TENM2: variants seen among roughly 807,000 people sequenced by gnomAD.
The protein encoded by TENM2 is teneurin-2.
TENM2 carries 52 observed loss-of-function variants against 245.2 expected under a neutral mutation model. That is an observed-to-expected ratio of 0.21 (90% CI 0.17 to 0.27). The LOEUF (loss-of-function observed/expected upper bound fraction) is 0.27, where lower values mean the gene tolerates loss of function less well. Among genes scored for constraint, TENM2 ranks in the 10% least tolerant of loss-of-function variants. The pLI, the probability that TENM2 is intolerant of heterozygous loss-of-function variation, is 1.00. For synonymous variants in TENM2, 1,363 were observed against 1,438.9 expected (o/e 0.95, Z 1.19); for missense variants, 3,046 against 3,666.8 (o/e 0.83, Z 4.37).
At chr5:167,669,538 G>C (rs1755795422) in intron 2 of TENM2, among the ~76,000 whole-genome samples, 1 of 152,026 alleles carries the variant, frequency 6.6e-6, no homozygotes. Flanking sequence ...ACAAAGCTAT[G>C]ATTCTCTCAT....
the TENM2 span, among the ~76,000 whole-genome samples, chr5:167,035,483 T>C: frequency 4.1e-3 from 629 of 152,372 alleles, 7 homozygotes; most frequent in African/African-American, 0.014. Context: ...GACAATGATG[T>C]CGTTCATCAC....
chr5:167,154,809 A>G, the TENM2 span, among the ~76,000 whole-genome samples: 65 of 152,348 alleles, frequency 4.3e-4, 1 homozygote, highest in African/African-American at 1.4e-3. Context: ...AGCTAATTTT[A>G]TATTTGCCCT....
At chr5:167,730,159 T>TGCC (rs1760316107) in intron 2 of TENM2, among the ~76,000 whole-genome samples, 1 of 152,212 alleles carries the variant, frequency 6.6e-6, no homozygotes, top group Non-Finnish European at 1.5e-5. Context: ...GTTCCTGCAG[T>TGCC]GCCGTTGTTC....
At chr5:167,208,569 T>G in the TENM2 span, among the ~76,000 whole-genome samples, 1 of 152,212 alleles carries the variant, frequency 6.6e-6, no homozygotes, top group Non-Finnish European at 1.5e-5. Context: ...ATCTTAGTAT[T>G]TAGATTGTAA....
intron 2 of TENM2, among the ~76,000 whole-genome samples, chr5:167,689,651 C>G (rs1174365997): frequency 6.6e-6 from 1 of 152,218 alleles, no homozygotes; most frequent in Non-Finnish European, 1.5e-5. Flanking sequence ...GCTTGCACTG[C>G]AGAAGACTAG....
chr5:166,995,296 G>A, the TENM2 span, among the ~76,000 whole-genome samples: 3 of 151,616 alleles, frequency 2.0e-5, no homozygotes, highest in Non-Finnish European at 2.9e-5. Flanking sequence ...CTGGAGTGCA[G>A]TGGCCCAATC....
chr5:167,327,944 A>C (rs1421081689), intron 1 of TENM2, among the ~76,000 whole-genome samples: 1 of 152,184 alleles, frequency 6.6e-6, no homozygotes, highest in Admixed American at 6.5e-5. Flanking sequence ...GTATGAAATT[A>C]GATTAAAAGA....
the TENM2 span, among the ~76,000 whole-genome samples, chr5:167,025,191 A>G: frequency 1.3e-5 from 2 of 152,196 alleles, no homozygotes; most frequent in East Asian, 1.9e-4. Flanking sequence ...TTAATAATAT[A>G]TTTTTTAGCC....
At chr5:168,147,736 C>T (rs1037110816) in intron 12 of TENM2, among the ~76,000 whole-genome samples, 5 of 152,136 alleles carry the variant, frequency 3.3e-5, no homozygotes, top group African/African-American at 1.2e-4. Flanking sequence ...TTGCATGTGC[C>T]ATTAATCAAG....
the TENM2 span, among the ~76,000 whole-genome samples, chr5:167,231,274 G>A: frequency 6.6e-6 from 1 of 152,200 alleles, no homozygotes; most frequent in Non-Finnish European, 1.5e-5. Context: ...GGCAGAGGGT[G>A]GAACAATTTG....
intron 17 of TENM2, among the ~76,000 whole-genome samples, chr5:168,201,681 C>T (rs1761954673): frequency 1.3e-5 from 2 of 152,196 alleles, no homozygotes; most frequent in African/African-American, 4.8e-5. Flanking sequence ...ATACCATAAA[C>T]TATCAATACT....
At chr5:167,054,967 A>G in the TENM2 span, among the ~76,000 whole-genome samples, 1 of 152,086 alleles carries the variant, frequency 6.6e-6, no homozygotes, top group East Asian at 1.9e-4. Flanking sequence ...ATTTTCTCAC[A>G]GTCCGTGGCT....
In TENM2 at chr5:167,952,662, C is replaced by G. The variant is rs201859793; in HGVS notation, c.787C>G (p.His263Asp). 1.3e-4 allele frequency: 203 copies of G among 1,613,112 alleles called. No individual in the cohort carries two copies. The highest frequency in any genetic ancestry group is 6.7e-5 in the Admixed American group (4 of 59,926). The change falls in exon 4 of 29, where the codon CAC becomes GAC. Residue 263 changes from histidine to aspartate, a missense_variant. Physicochemically the swap from His to Asp is moderately conservative, Grantham distance 81. Coordinates refer to ENST00000518659, the Ensembl canonical transcript of TENM2. ...CCCTCACAACCACACGCTGTCCCAT[C>G]ACCACTCGTCCGCCAACTCCCTCAA...
At chr5:168,079,980 A>G (rs1052795038) in intron 7 of TENM2, among the ~76,000 whole-genome samples, 7 of 151,996 alleles carry the variant, frequency 4.6e-5, no homozygotes, top group African/African-American at 1.4e-4. Context: ...TTTTTCTATT[A>G]ATTGGAATAG....
chr5:167,485,288 C>T lies in TENM2; in HGVS notation c.502+109815C>T, dbSNP rs534081976. Reference sequence around the variant, plus strand: ...CCAGATTAATCTTCCCAGGAAGAAGCGGAGACACTAATGCTTGAGAAACAT... The same window carrying T: ...CCAGATTAATCTTCCCAGGAAGAAGTGGAGACACTAATGCTTGAGAAACAT... On this transcript the variant is annotated intron_variant, in intron 2 of 28. Coordinates refer to ENST00000518659, the Ensembl canonical transcript of TENM2. Among the ~76,000 whole-genome samples the T allele has an allele frequency of 5.3e-5, 8 of 152,124 alleles. No individual in the cohort carries two copies. The South Asian group carries it at 6.2e-4, about 12-fold the overall frequency.
At chr5:168,039,334 G>A (rs1034762292) in intron 5 of TENM2, among the ~76,000 whole-genome samples, 2 of 152,092 alleles carry the variant, frequency 1.3e-5, no homozygotes, top group African/African-American at 4.8e-5. Flanking sequence ...GACAAATATT[G>A]TTTGGGTTGT....
Position 168,178,048 on chromosome 5 carries a change from A to C in TENM2, c.2570-12289A>C, listed in dbSNP as rs771144005. Among the ~76,000 whole-genome samples the C allele has an allele frequency of 4.5e-4, 68 of 152,146 alleles. 1 individual carries two copies. The highest frequency in any genetic ancestry group is 2.9e-3 in the Admixed American group (45 of 15,280). On this transcript the variant is annotated intron_variant, in intron 13 of 28. Coordinates refer to ENST00000518659, the Ensembl canonical transcript of TENM2. ...TCTGGGGCATTTCTTTATGCAGCAG[A>C]AGGAGAAGCATCATGCGCCCCTACT...
chr5:167,071,878 G>GGCC, the TENM2 span, among the ~76,000 whole-genome samples: 12 of 124,020 alleles, frequency 9.7e-5, no homozygotes, highest in East Asian at 2.4e-4. Context: ...TTGACAAATC[G>GGCC]CCCCCCCCCG....
the TENM2 span, among the ~76,000 whole-genome samples, chr5:167,217,777 AAGAG>A: frequency 3.3e-5 from 5 of 150,328 alleles, no homozygotes; most frequent in Admixed American, 2.0e-4. Flanking sequence ...ATATAAAAGA[AAGAG>A]AGGTGAGTGG....
Sources: allele counts gnomAD v4.1 joint callset (sites outside exome capture counted in the v4.1 genomes callset), GRCh38; gene constraint gnomAD v4.1.1; transcripts MANE v1.5; gene names NCBI Gene and HGNC (gene_info 2026-07-23, HGNC 2026-07-21).